The following FNDC3A variants were observed in gnomAD, a reference collection of about 807,000 sequenced individuals.
FNDC3A encodes fibronectin type III domain containing 3A.
A neutral mutation model predicts 148.9 loss-of-function variants in FNDC3A; 32 were observed. The observed-to-expected ratio is 0.21, with a 90% CI of 0.16 to 0.29. The LOEUF (loss-of-function observed/expected upper bound fraction) is 0.29, where lower values mean the gene tolerates loss of function less well. Ranked by LOEUF, FNDC3A falls within the 10% of genes least tolerant of loss-of-function variation. The probability of loss-of-function intolerance (pLI) is 1.00; values close to 1 mark genes in which losing one functional copy is unlikely to be tolerated. For synonymous variants in FNDC3A, 472 were observed against 473.6 expected, an observed-to-expected ratio of 1.00 and a Z score of 0.04; for missense variants, 1,191 against 1,452.8, an observed-to-expected ratio of 0.82 and a Z score of 2.93.
chr13:49,136,831 C>T (rs1435358714), intron 6 of FNDC3A, among the ~76,000 whole-genome samples: 3 of 152,032 alleles, frequency 2.0e-5, no homozygotes, highest in Non-Finnish European at 4.4e-5. Flanking sequence ...AATCCAGATT[C>T]CTTTCTTCTG....
intron 5 of FNDC3A, among the ~76,000 whole-genome samples, chr13:49,133,375 A>T (rs1217643472): frequency 6.6e-6 from 1 of 152,244 alleles, no homozygotes; most frequent in African/African-American, 2.4e-5. Context: ...TGCATTGTTA[A>T]AACCCCTTGT....
chr13:49,125,903 T>C (rs1330567124), intron 4 of FNDC3A, among the ~76,000 whole-genome samples: 8 of 152,234 alleles, frequency 5.3e-5, no homozygotes, highest in Admixed American at 5.2e-4. Context: ...AGGTGGCATC[T>C]GTGGTTAAGT....
intron 3 of FNDC3A, among the ~76,000 whole-genome samples, chr13:49,094,446 T>G (rs988351652): frequency 1.3e-5 from 2 of 152,106 alleles, no homozygotes; most frequent in African/African-American, 4.8e-5. Flanking sequence ...TTAATAATAC[T>G]GATTGTACTA....
Position 49,063,552 on chromosome 13 carries a change from T to C in FNDC3A, c.100-11737T>C, listed in dbSNP as rs548846150. 9.2e-5 allele frequency among the ~76,000 whole-genome samples: 14 copies of C among 152,326 alleles called. No homozygotes were observed. In the South Asian group the frequency reaches 2.9e-3, roughly 32 times the overall value. ...TAGGTTTTGAAATGAAAGGAAGCAA[T>C]TCCTAAATTGTTTCCAAGAAATTAC... On this transcript the variant is annotated intron_variant, in intron 2 of 25. Coordinates refer to ENST00000492622, the MANE Select transcript of FNDC3A (RefSeq NM_001079673.2).
Position 49,018,017 on chromosome 13 carries a change from C to G in FNDC3A, c.99+11728C>G, listed in dbSNP as rs201111910. ...CCTTTTTGGGTAACCCGACCCTTCT[C>G]TCTGGCTGCCCTTAACATTTTTTCC... On this transcript the variant is annotated intron_variant, in intron 2 of 25. Transcript: ENST00000492622. Among the ~76,000 whole-genome samples, 55 of 152,250 alleles carry G rather than the reference C, an allele frequency of 3.6e-4. No homozygotes were observed. The East Asian group carries it at 0.01, about 28-fold the overall frequency.
At chr13:48,991,399 G>A (rs1158991002) in intron 1 of FNDC3A, among the ~76,000 whole-genome samples, 2 of 152,054 alleles carry the variant, frequency 1.3e-5, no homozygotes, top group Non-Finnish European at 2.9e-5. Flanking sequence ...TCTAGTATAG[G>A]AACTGGCCTG....
chr13:49,083,022 G>A (rs941302628), intron 3 of FNDC3A, among the ~76,000 whole-genome samples: 2 of 152,092 alleles, frequency 1.3e-5, no homozygotes, highest in Non-Finnish European at 2.9e-5. Flanking sequence ...TTAGAGTGAA[G>A]AGTCAGAGCC....
intron 15 of FNDC3A, 101 bp downstream of exon 15, chr13:49,186,203 T>C: frequency 1.0e-6 from 1 of 983,854 alleles, no homozygotes; most frequent in Non-Finnish European, 1.5e-6. Flanking sequence ...ATTTGTTATC[T>C]CAAGCCAGTC....
chr13:49,026,160 A>G (rs577085679), intron 2 of FNDC3A, among the ~76,000 whole-genome samples: 1 of 152,326 alleles, frequency 6.6e-6, no homozygotes, highest in South Asian at 2.1e-4. Flanking sequence ...ATAGCAGGTT[A>G]GGGATTTGTA....
intron 3 of FNDC3A, among the ~76,000 whole-genome samples, chr13:49,082,579 CTA>C (rs1419539061): frequency 6.6e-6 from 1 of 152,024 alleles, no homozygotes. Flanking sequence ...CTTTTCCTTC[CTA>C]ATAGCTCAGT....
intron 3 of FNDC3A, among the ~76,000 whole-genome samples, chr13:49,110,695 G>A (rs1219338104): frequency 1.3e-5 from 2 of 152,040 alleles, no homozygotes; most frequent in Non-Finnish European, 2.9e-5. Context: ...TGTGAACGCT[G>A]GCTTATAGAG....
chr13:49,000,574 T>C (rs1421955026), intron 1 of FNDC3A, among the ~76,000 whole-genome samples: 1 of 152,214 alleles, frequency 6.6e-6, no homozygotes, highest in Non-Finnish European at 1.5e-5. Context: ...CCTGAGATAC[T>C]AGAATTTTAG....
chr13:49,187,741 CTTTTTTTTTTCCTGGA>C, intron 16 of FNDC3A: 1 of 902,444 alleles, frequency 1.1e-6, no homozygotes, highest in Admixed American at 2.7e-5. Context: ...TCACCAAGAC[CTTTTTTTTTTCCTGGA>C]TTTTTTTTTT....
chr13:49,064,170 G>A (rs777763057), intron 2 of FNDC3A, among the ~76,000 whole-genome samples: 3 of 151,946 alleles, frequency 2.0e-5, no homozygotes, highest in Non-Finnish European at 2.9e-5. Flanking sequence ...GTGAAACCCC[G>A]TCTTTACTAA....
At chr13:49,200,692 T>TA (rs1220190496) in intron 23 of FNDC3A, among the ~76,000 whole-genome samples, 1 of 152,060 alleles carries the variant, frequency 6.6e-6, no homozygotes, top group Non-Finnish European at 1.5e-5. Flanking sequence ...AGAGAATTGT[T>TA]ATGGGGTATG....
chr13:48,997,155 A>G (rs1300690601), intron 1 of FNDC3A, among the ~76,000 whole-genome samples: 1 of 152,194 alleles, frequency 6.6e-6, no homozygotes, highest in African/African-American at 2.4e-5. Flanking sequence ...CTGTAATCCA[A>G]GATGTAATCC....
intron 13 of FNDC3A, among the ~76,000 whole-genome samples, chr13:49,178,145 A>G (rs9596068): frequency 2.6e-3 from 395 of 152,286 alleles, no homozygotes; most frequent in African/African-American, 8.9e-3. Context: ...TAACCCTTCA[A>G]TTATTTACTT....
At chr13:49,143,359 A>G (rs1212842284) in intron 7 of FNDC3A, among the ~76,000 whole-genome samples, 2 of 150,250 alleles carry the variant, frequency 1.3e-5, no homozygotes, top group African/African-American at 4.8e-5. Context: ...ACCCAGTCTC[A>G]ATAAAAAAAT....
At chr13:49,173,520 TAAGTC>T (rs1354700855) in intron 11 of FNDC3A, among the ~76,000 whole-genome samples, 1 of 152,216 alleles carries the variant, frequency 6.6e-6, no homozygotes, top group African/African-American at 2.4e-5. Flanking sequence ...AAAGCTGAAA[TAAGTC>T]AAGATTGCCA....
Sources: allele counts gnomAD v4.1 joint callset (sites outside exome capture counted in the v4.1 genomes callset), GRCh38; gene constraint gnomAD v4.1.1; transcripts MANE v1.5; gene names NCBI Gene and HGNC (gene_info 2026-07-23, HGNC 2026-07-21).